Variants in LPIN1 observed in about 807,000 individuals in gnomAD.
The protein encoded by LPIN1 is phosphatidate phosphatase LPIN1.
LPIN1 carries 71 observed loss-of-function variants against 107.5 expected under a neutral mutation model. The observed-to-expected ratio is 0.66, with a 90% CI of 0.55 to 0.80. The LOEUF (loss-of-function observed/expected upper bound fraction) is 0.80, where lower values mean the gene tolerates loss of function less well. Ranked by LOEUF, LPIN1 falls within the 30% of genes least tolerant of loss-of-function variation. The pLI is 0.00. For synonymous variants in LPIN1, 445 were observed against 452.6 expected (o/e 0.98, Z 0.21); for missense variants, 1,043 against 1,160.6 (o/e 0.90, Z 1.47).
upstream of LPIN1, among the ~76,000 whole-genome samples, chr2:11,741,746 G>A (rs937366722): frequency 6.6e-6 from 1 of 152,116 alleles, no homozygotes; most frequent in Admixed American, 6.5e-5. Context: ...GGGATGCGGA[G>A]CTTGCAGTAA....
At chr2:11,722,513 C>T (rs1318944112), upstream of LPIN1, 1 of 152,188 alleles carries the variant, frequency 6.6e-6, no homozygotes, top group Non-Finnish European at 1.5e-5. Context: ...GTGGTATGAC[C>T]TGCAGAGAAG....
chr2:11,804,432 A>C lies in LPIN1; in HGVS notation c.2023A>C (p.Lys675Gln), dbSNP rs773956992. ...GGTTCATGTTTTTCAGAAAAGCTTG[A>C]AGTTGAAGAATGGCCCCAACGACGT... ...RLTSEQLKSL[K>Q]LKNGPNDVVF... Residue 675 changes from lysine to glutamine, a missense_variant, in exon 16 of 21, where the codon AAG (lysine) becomes CAG (glutamine). Lys to Gln is a moderately conservative substitution (Grantham distance 53). Coordinates refer to ENST00000674199, the MANE Select transcript of LPIN1 (RefSeq NM_001349206.2). 1 of 1,614,252 alleles carries C rather than the reference A, an allele frequency of 6.2e-7. No individual in the cohort carries two copies. Among genetic ancestry groups the C allele is most frequent in the Admixed American group, 1.7e-5 (1 of 60,026 alleles).
rs767941788 is a variant in LPIN1 at position 11,784,854 on chromosome 2, C to T, written c.1359-32C>T. On this transcript the variant is annotated intron_variant, in intron 9 of 20. Transcript: ENST00000674199. ...TAGGACCCTGAACTGGGACAGTCCT[C>T]AGCCGGTCTCTGCCGCTTTTCCTCC... 3 of 1,610,834 alleles carry T rather than the reference C, an allele frequency of 1.9e-6. No individual in the cohort carries two copies. The African/African-American group carries it at 4.0e-5, about 22-fold the overall frequency.
chr2:11,809,471 C>G (rs929115408), intron 17 of LPIN1, among the ~76,000 whole-genome samples: 16 of 152,054 alleles, frequency 1.1e-4, no homozygotes, highest in African/African-American at 3.9e-4. Flanking sequence ...GGCTGGAGTG[C>G]AATGGCATGA....
chr2:11,746,987 G>A (rs1667049972), intron 1 of LPIN1, among the ~76,000 whole-genome samples: 1 of 152,234 alleles, frequency 6.6e-6, no homozygotes, highest in African/African-American at 2.4e-5. Context: ...GGGCCACTGG[G>A]GGCTGCCGCG....
At chr2:11,693,826 T>TA (rs1662433811) in intron 1 of LPIN1, among the ~76,000 whole-genome samples, 1 of 62,602 alleles carries the variant, frequency 1.6e-5, no homozygotes, top group Non-Finnish European at 2.8e-5. Flanking sequence ...ATATATATTT[T>TA]TTTTTTTTTT....
At chr2:11,750,012 T>C (rs11693809) in intron 1 of LPIN1, among the ~76,000 whole-genome samples, 100,571 of 152,128 alleles carry the variant, frequency 0.66, 35,412 homozygotes, top group African/African-American at 0.88. Flanking sequence ...GCTCACAAAG[T>C]TGACCACAGA....
At chr2:11,795,217 G>A in intron 13 of LPIN1, among the ~76,000 whole-genome samples, 191 bp from the exon 14 acceptor site, 1 of 152,138 alleles carries the variant, frequency 6.6e-6, no homozygotes, top group Admixed American at 6.5e-5. Flanking sequence ...ACACTTCTTA[G>A]CAAAGTTGAG....
chr2:11,787,398 C>CTTTTTTTTTTTTTTTTTTTTTT, intron 11 of LPIN1, among the ~76,000 whole-genome samples: 1 of 64,554 alleles, frequency 1.5e-5, no homozygotes. Flanking sequence ...TTTTCTTTTT[C>CTTTTTTTTTTTTTTTTTTTTTT]TTTTTTTTTT....
rs11695702 is a variant in LPIN1, at chr2:11,781,928, A to G, written c.958-273A>G. Among the ~76,000 whole-genome samples the G allele has an allele frequency of 0.32, 49,155 of 152,106 alleles. 8,429 individuals are homozygous for G. Among genetic ancestry groups the G allele is most frequent in the African/African-American group, 0.41 (17,213 of 41,486 alleles). ...CCCAGTGTGTGTGAAAAGACTTGTA[A>G]TCTAACAGCATTTAGGGTGCTCCTG... is the stretch of plus-strand genomic sequence containing the variant. On this transcript the variant is annotated intron_variant, in intron 7 of 20. Coordinates refer to ENST00000674199, the MANE Select transcript of LPIN1 (RefSeq NM_001349206.2).
At chr2:11,696,289 T>G (rs994897525) in intron 1 of LPIN1, among the ~76,000 whole-genome samples, 9 of 151,732 alleles carry the variant, frequency 5.9e-5, no homozygotes, top group African/African-American at 2.2e-4. Flanking sequence ...GGTGTTTGGT[T>G]TTCTGATGGG....
chr2:11,679,399 G>A (rs531060761), intron 1 of LPIN1, among the ~76,000 whole-genome samples: 1 of 152,276 alleles, frequency 6.6e-6, no homozygotes, highest in African/African-American at 2.4e-5. Context: ...TGTTTTATTG[G>A]ATATTAATTA....
intron 1 of LPIN1, among the ~76,000 whole-genome samples, chr2:11,737,449 C>T (rs1431108543): frequency 1.3e-5 from 2 of 152,124 alleles, no homozygotes; most frequent in Non-Finnish European, 2.9e-5. Flanking sequence ...GAACAGGCAA[C>T]CTACAGAATG....
chr2:11,698,687 A>C (rs1350605698), intron 1 of LPIN1, among the ~76,000 whole-genome samples: 2 of 152,236 alleles, frequency 1.3e-5, no homozygotes, highest in African/African-American at 4.8e-5. Flanking sequence ...TTTAAACAGA[A>C]TAAGCTTTGT....
At chr2:11,784,588 G>A (rs1674165253) in intron 9 of LPIN1, 1 of 516,218 alleles carries the variant, frequency 1.9e-6, no homozygotes, top group Non-Finnish European at 3.3e-6. Context: ...GCGATCTAGG[G>A]CAGGGCTGGC....
chr2:11,716,350 G>A (rs915656695), intron 2 of LPIN1, among the ~76,000 whole-genome samples: 1 of 152,032 alleles, frequency 6.6e-6, no homozygotes, highest in Non-Finnish European at 1.5e-5. Flanking sequence ...AAAATGAGGA[G>A]GAAGGGCAAT....
At chr2:11,699,127 A>G (rs1409796695) in intron 1 of LPIN1, among the ~76,000 whole-genome samples, 1 of 152,240 alleles carries the variant, frequency 6.6e-6, no homozygotes, top group South Asian at 2.1e-4. Context: ...AGCTATTGTT[A>G]GTGCATTTTA....
chr2:11,802,432 C>T (rs1440731467), intron 14 of LPIN1, among the ~76,000 whole-genome samples: 1 of 152,152 alleles, frequency 6.6e-6, no homozygotes, highest in African/African-American at 2.4e-5. Context: ...TCACTGGCAC[C>T]TGTCCGTAAG....
At chr2:11,715,752 A>G (rs761386344) in intron 2 of LPIN1, among the ~76,000 whole-genome samples, 26 of 152,142 alleles carry the variant, frequency 1.7e-4, no homozygotes, top group Non-Finnish European at 3.1e-4. Flanking sequence ...CACAGAGGTA[A>G]GAAACAGCAC....
Sources: allele counts gnomAD v4.1 joint callset (sites outside exome capture counted in the v4.1 genomes callset), GRCh38; gene constraint gnomAD v4.1.1; transcripts MANE v1.5; gene names NCBI Gene and HGNC (gene_info 2026-07-23, HGNC 2026-07-21).